The following GTF2IRD2B variants were observed in gnomAD, a reference collection of about 807,000 sequenced individuals.
The protein encoded by GTF2IRD2B is general transcription factor II-I repeat domain-containing protein 2B.
A neutral mutation model predicts 55.6 loss-of-function variants in GTF2IRD2B; 10 were observed. The observed-to-expected ratio is 0.18, with a 90% CI of 0.11 to 0.31. The LOEUF is 0.31. Among genes scored for constraint, GTF2IRD2B ranks in the 10% least tolerant of loss-of-function variants. GTF2IRD2B has a pLI of 1.00. For synonymous variants in GTF2IRD2B, 107 were observed against 320.5 expected, an observed-to-expected ratio of 0.33 and a Z score of 7.12; for missense variants, 206 against 802.7, an observed-to-expected ratio of 0.26 and a Z score of 8.98.
At chr7:75,104,311 G>A (rs1299027536) in intron 1 of GTF2IRD2B, among the ~76,000 whole-genome samples, 2 of 152,108 alleles carry the variant, frequency 1.3e-5, no homozygotes. Flanking sequence ...GAAGGGGGGG[G>A]TCTCACCATG....
intron 3 of GTF2IRD2B, among the ~76,000 whole-genome samples, chr7:75,115,918 C>CAT: frequency 2.3e-5 from 2 of 85,436 alleles, no homozygotes; most frequent in East Asian, 5.5e-4. Flanking sequence ...TCTTTTCTTT[C>CAT]TTTTTTTTTT....
At chr7:75,115,673 T>C (rs1808124154) in intron 3 of GTF2IRD2B, among the ~76,000 whole-genome samples, 1 of 147,106 alleles carries the variant, frequency 6.8e-6, no homozygotes, top group Admixed American at 6.9e-5. Flanking sequence ...GACCTCGTGA[T>C]CCACCCTCCT....
chr7:75,120,182 A>G (rs1316725126), intron 3 of GTF2IRD2B, among the ~76,000 whole-genome samples: 1 of 20,004 alleles, frequency 5.0e-5, no homozygotes, highest in Non-Finnish European at 1.3e-4. Flanking sequence ...TTACATTGAT[A>G]CAAAAAAAAA....
At chr7:75,119,191 CAAAA>C (rs71229657) in intron 3 of GTF2IRD2B, among the ~76,000 whole-genome samples, 24 of 5,096 alleles carry the variant, frequency 4.7e-3, no homozygotes, top group African/African-American at 0.017. Flanking sequence ...AAGACTCTCT[CAAAA>C]AAAAAAAAAA....
intron 8 of GTF2IRD2B, among the ~76,000 whole-genome samples, chr7:75,132,889 AT>A (rs1808712903): frequency 6.8e-6 from 1 of 146,650 alleles, no homozygotes; most frequent in African/African-American, 2.7e-5. Flanking sequence ...TGATTTTACA[AT>A]TGATATTATT....
intron 1 of GTF2IRD2B, among the ~76,000 whole-genome samples, chr7:75,105,220 C>A (rs1807746825): frequency 6.6e-6 from 1 of 152,178 alleles, no homozygotes; most frequent in African/African-American, 2.4e-5. Flanking sequence ...AAAAAAACAA[C>A]AGACCAGGCA....
intron 1 of GTF2IRD2B, among the ~76,000 whole-genome samples, chr7:75,100,256 CA>C (rs1297326246): frequency 8.1e-4 from 73 of 89,972 alleles, no homozygotes; most frequent in Middle Eastern, 5.0e-3. Context: ...AACTCTGTCT[CA>C]AAAAAAAAAA....
Position 75,101,324 on chromosome 7 carries a change from C to A in GTF2IRD2B, c.-5-7636C>A, listed in dbSNP as rs587762722. ...GAGGCTCATGCCTGTAATCCCAACACTCTGGGAGGCTGAGGTGGAAGGATT... is the reference window on the plus strand; with the variant it reads ...GAGGCTCATGCCTGTAATCCCAACAATCTGGGAGGCTGAGGTGGAAGGATT... On this transcript the variant is annotated intron_variant, in intron 1 of 15. Coordinates refer to ENST00000472837, the MANE Select transcript of GTF2IRD2B (RefSeq NM_001003795.3). Among the ~76,000 whole-genome samples the A allele has an allele frequency of 6.6e-5, 10 of 151,300 alleles. 1 individual carries two copies. The highest frequency in any genetic ancestry group is 3.3e-4 in the Admixed American group (5 of 15,160).
rs782090925 is a variant in GTF2IRD2B, at chr7:75,112,501, C to T, written c.204C>T (p.Ala68=). 1.5e-4 allele frequency: 133 copies of T among 872,498 alleles called. No homozygotes were observed. The highest frequency in any genetic ancestry group is 1.3e-3 in the South Asian group (92 of 71,002). The allele number at this position is 872,498 out of a possible 1,614,324, so 54.0% of individuals were successfully genotyped here. A position where few individuals can be genotyped will look rare whatever the true frequency, so the allele number is the denominator to read the frequency against. The change falls in exon 3 of 16, where the codon GCC becomes GCT. Residue 68 remains alanine, a synonymous_variant. Coordinates refer to ENST00000472837, the MANE Select transcript of GTF2IRD2B (RefSeq NM_001003795.3). ...GTERGCAFVN[A]RTDFQKDFAK... Reference sequence around the variant, plus strand: ...AGAGAGGATGCGCTTTTGTTAATGCCAGGACGGATTTTCAGAAAGATTTTG... The same window carrying T: ...AGAGAGGATGCGCTTTTGTTAATGCTAGGACGGATTTTCAGAAAGATTTTG...
chr7:75,121,771 T>C lies in GTF2IRD2B; in HGVS notation c.358+761T>C, dbSNP rs587771919. 3.5e-4 allele frequency among the ~76,000 whole-genome samples: 52 copies of C among 146,684 alleles called. No individual in the cohort carries two copies. The South Asian group carries it at 4.5e-3, about 13-fold the overall frequency. On this transcript the variant is annotated intron_variant, in intron 4 of 15. Coordinates refer to ENST00000472837, the MANE Select transcript of GTF2IRD2B (RefSeq NM_001003795.3). Reference sequence around the variant, plus strand: ...GCCGTGCCTGGCCACCAGTTCTTTTTTTTTTTTGAGGCAGAGTCTCGCTCT... The same window carrying C: ...GCCGTGCCTGGCCACCAGTTCTTTTCTTTTTTTGAGGCAGAGTCTCGCTCT...
intron 1 of GTF2IRD2B, among the ~76,000 whole-genome samples, chr7:75,105,393 A>G (rs1364897073): frequency 6.6e-6 from 1 of 152,286 alleles, no homozygotes; most frequent in East Asian, 1.9e-4. Flanking sequence ...AATCCCAACT[A>G]CTCGGGGGGT....
In GTF2IRD2B at chr7:75,119,894, C is replaced by T. The variant is rs587674208; in HGVS notation, c.239-997C>T. The stretch of plus-strand genomic sequence containing the variant: ...CTGTAATCCCAGCACTTTGGGAGGC[C>T]GAGGCAGGCGGATCACGAGGTCAGG... On this transcript the variant is annotated intron_variant, in intron 3 of 15. Transcript: ENST00000472837. Among the ~76,000 whole-genome samples, 3 of 109,946 alleles carry T rather than the reference C, an allele frequency of 2.7e-5. 1 individual carries two copies. The highest frequency in any genetic ancestry group is 5.5e-5 in the Non-Finnish European group (3 of 54,532). The allele number at this position is 109,946 out of a possible 152,430, so 72.1% of individuals were successfully genotyped here.
At position 75,121,124 on chromosome 7, in the gene GTF2IRD2B, C is replaced by T. The variant is rs1554451899; in HGVS notation, c.358+114C>T. On this transcript the variant is annotated intron_variant, in intron 4 of 15. Transcript: ENST00000472837. ...CGATCTCGGCTCACTGCAACCTCCG[C>T]CTCCTGGGTTCAAGCAATTCTCCTG... 2.6e-5 allele frequency: 22 copies of T among 834,364 alleles called. 1 individual carries two copies. The highest frequency in any genetic ancestry group is 9.0e-6 in the Non-Finnish European group (5 of 552,620). The allele number at this position is 834,364 out of a possible 1,614,324, so 51.7% of individuals were successfully genotyped here.
At chr7:75,107,120 C>G (rs1466151252) in intron 1 of GTF2IRD2B, among the ~76,000 whole-genome samples, 2 of 151,460 alleles carry the variant, frequency 1.3e-5, no homozygotes, top group Admixed American at 6.6e-5. Flanking sequence ...ATGCTGAAAT[C>G]TGACTAAACA....
chr7:75,147,855 C>G lies in GTF2IRD2B; in HGVS notation c.1408C>G (p.His470Asp). Residue 470 changes from histidine (H) to aspartate (D), a missense_variant, in exon 16 of 16, where the codon CAC becomes GAC. Physicochemically the swap from His to Asp is moderately conservative, Grantham distance 81. Coordinates refer to ENST00000472837, the MANE Select transcript of GTF2IRD2B (RefSeq NM_001003795.3). ...CCTAAGACGCCACTATCAAACCAAT[C>G]ACAGCAAGCATTATGACCAGTATAC... ...YNLRRHYQTN[H>D]SKHYDQYTER... is the part of the protein sequence containing the mutation. 2 of 1,202,174 alleles carry G rather than the reference C, an allele frequency of 1.7e-6. No individual in the cohort carries two copies. Among genetic ancestry groups the G allele is most frequent in the Non-Finnish European group, 2.5e-6 (2 of 804,806 alleles). 74.5% of individuals were successfully genotyped at this position (1,202,174 alleles called of 1,614,324 possible).
chr7:75,137,329 G>T (rs1367221046), intron 11 of GTF2IRD2B, among the ~76,000 whole-genome samples: 1 of 149,816 alleles, frequency 6.7e-6, no homozygotes, highest in Non-Finnish European at 1.5e-5. Context: ...AACATAATTA[G>T]CTGTGCAAAA....
intron 6 of GTF2IRD2B, chr7:75,123,834 C>T (rs1808464590): frequency 2.4e-5 from 9 of 376,668 alleles, no homozygotes; most frequent in Non-Finnish European, 3.6e-5. Flanking sequence ...GCGGAGATCG[C>T]GCCACTGCAC....
intron 12 of GTF2IRD2B, among the ~76,000 whole-genome samples, chr7:75,139,682 G>C (rs2115844480): frequency 9.5e-6 from 1 of 104,762 alleles, no homozygotes; most frequent in South Asian, 2.7e-4. Context: ...CTGAATATGT[G>C]TATGTAAAAT....
intron 3 of GTF2IRD2B, among the ~76,000 whole-genome samples, chr7:75,113,781 GGTGT>G (rs71519356): frequency 0.014 from 1,111 of 80,068 alleles, 46 homozygotes; most frequent in African/African-American, 0.052. Flanking sequence ...AGGGTATAAG[GGTGT>G]GTGTGTGTGT....
Sources: gnomAD v4.1 joint callset for allele counts (sites outside exome capture counted in the v4.1 genomes callset) on GRCh38, gnomAD v4.1.1 for gene constraint, MANE v1.5 for transcripts, NCBI Gene and HGNC (gene_info 2026-07-23, HGNC 2026-07-21) for gene names.